CADM2: variants seen among roughly 807,000 people sequenced by gnomAD.
The protein encoded by CADM2 is cell adhesion molecule 2.
A neutral mutation model predicts 49.8 loss-of-function variants in CADM2; 12 were observed. The ratio of observed to expected loss-of-function variants is 0.24; its 90% CI spans 0.15 to 0.39. The LOEUF (loss-of-function observed/expected upper bound fraction) is 0.39, where lower values mean the gene tolerates loss of function less well. CADM2 is among the 10% of genes least tolerant of loss of function. The pLI is 1.00. For synonymous variants in CADM2, 214 were observed against 175.4 expected (o/e 1.22, Z -1.74); for missense variants, 378 against 492.3 (o/e 0.77, Z 2.20).
At chr3:85,371,677 G>GTGTGTGTATATATA (rs1251505613) in intron 1 of CADM2, among the ~76,000 whole-genome samples, 19 of 95,134 alleles carry the variant, frequency 2.0e-4, no homozygotes, top group Admixed American at 3.8e-4. Context: ...GTGTGTGTGT[G>GTGTGTGTATATATA]TATATATATA....
chr3:85,158,623 T>C (rs1405493096), intron 1 of CADM2, among the ~76,000 whole-genome samples: 1 of 152,024 alleles, frequency 6.6e-6, no homozygotes, highest in Admixed American at 6.6e-5. Context: ...TTCTGACTCA[T>C]AGGTGGGAAT....
intron 7 of CADM2, among the ~76,000 whole-genome samples, chr3:85,955,076 A>T (rs1723888158): frequency 6.6e-6 from 1 of 151,402 alleles, no homozygotes; most frequent in Non-Finnish European, 1.5e-5. Context: ...AAAGTTACTG[A>T]CTATATGATT....
chr3:85,249,282 T>A (rs999022359), intron 1 of CADM2, among the ~76,000 whole-genome samples: 5 of 152,104 alleles, frequency 3.3e-5, no homozygotes, highest in Admixed American at 6.6e-5. Context: ...CTAATTTTAG[T>A]TAGCTATGAT....
At chr3:85,523,063 T>A (rs1372177037) in intron 1 of CADM2, among the ~76,000 whole-genome samples, 1 of 151,836 alleles carries the variant, frequency 6.6e-6, no homozygotes, top group African/African-American at 2.4e-5. Context: ...CCCCACACAT[T>A]TGCTAGATTA....
At chr3:85,842,648 C>T (rs967145229) in intron 3 of CADM2, among the ~76,000 whole-genome samples, 2 of 152,050 alleles carry the variant, frequency 1.3e-5, no homozygotes, top group Admixed American at 6.6e-5. Flanking sequence ...TGTCCACACC[C>T]GCTTCCTTCT....
intron 1 of CADM2, among the ~76,000 whole-genome samples, chr3:85,221,906 A>C (rs1388331785): frequency 2.0e-5 from 3 of 152,166 alleles, no homozygotes; most frequent in African/African-American, 7.2e-5. Flanking sequence ...TGCTGTTTGA[A>C]ATGATAAAGA....
intron 5 of CADM2, among the ~76,000 whole-genome samples, chr3:85,893,823 C>T (rs1286887458): frequency 6.6e-6 from 1 of 151,984 alleles, no homozygotes; most frequent in Non-Finnish European, 1.5e-5. Flanking sequence ...GTTAGAATGG[C>T]GATCATTAAA....
intron 1 of CADM2, among the ~76,000 whole-genome samples, chr3:85,446,991 CATATATAT>C (rs141177883): frequency 0.026 from 1,437 of 54,558 alleles, 31 homozygotes; most frequent in African/African-American, 0.059. Flanking sequence ...ATATGTATTG[CATATATAT>C]ATATATATAT....
chr3:85,231,795 C>A (rs1006880133), intron 1 of CADM2, among the ~76,000 whole-genome samples: 2 of 151,202 alleles, frequency 1.3e-5, no homozygotes, highest in African/African-American at 4.9e-5. Flanking sequence ...TCACTGCAAC[C>A]TCTGCCCCCC....
chr3:85,207,050 A>ATG (rs3085116), intron 1 of CADM2, among the ~76,000 whole-genome samples: 42,509 of 144,786 alleles, frequency 0.29, 7,058 homozygotes, highest in Middle Eastern at 0.39. Context: ...GAAGAAATAA[A>ATG]TGTGTGTGTG....
chr3:84,983,990 C>T (rs982987002), intron 1 of CADM2, among the ~76,000 whole-genome samples: 1 of 151,508 alleles, frequency 6.6e-6, no homozygotes, highest in African/African-American at 2.4e-5. Flanking sequence ...TATTTTAAAT[C>T]ACTTTCAGAC....
intron 1 of CADM2, among the ~76,000 whole-genome samples, chr3:85,099,469 A>AT (rs56797775): frequency 0.7 from 101,204 of 144,528 alleles, 35,912 homozygotes; most frequent in African/African-American, 0.8. Context: ...CATGAATTAA[A>AT]TTTTTTTTTT....
intron 8 of CADM2, among the ~76,000 whole-genome samples, chr3:86,017,242 T>C (rs146569125): frequency 1.3e-5 from 2 of 150,878 alleles, no homozygotes; most frequent in East Asian, 1.9e-4. Flanking sequence ...AACATAAGTA[T>C]GGGACAATCT....
intron 1 of CADM2, among the ~76,000 whole-genome samples, chr3:85,020,547 A>G (rs2034452282): frequency 6.6e-6 from 1 of 152,230 alleles, no homozygotes; most frequent in African/African-American, 2.4e-5. Context: ...AAACAGAAAC[A>G]TAGGTAACAT....
rs113677978 is a variant in CADM2 at position 85,117,755 on chromosome 3, A to T, written c.61+158087A>T. Among the ~76,000 whole-genome samples the T allele has an allele frequency of 6.9e-3, 1,048 of 152,320 alleles. 10 individuals carry two copies. The highest frequency in any genetic ancestry group is 0.023 in the African/African-American group (959 of 41,582). ...ACACATGTATTTTGTAAGGAAGTCT[A>T]GAATAAAATTGGAGGTTTTAAATAC... On this transcript the variant is annotated intron_variant, in intron 1 of 9. Transcript: ENST00000383699.
intron 1 of CADM2, among the ~76,000 whole-genome samples, chr3:85,661,685 T>G (rs984900929): frequency 6.6e-5 from 10 of 152,034 alleles, no homozygotes; most frequent in Admixed American, 6.6e-5. Flanking sequence ...AACTACTTCA[T>G]ACTCAAAGTG....
intron 1 of CADM2, among the ~76,000 whole-genome samples, chr3:85,288,793 C>CCCCT (rs941968189): frequency 5.1e-5 from 7 of 136,242 alleles, no homozygotes; most frequent in Non-Finnish European, 8.1e-5. Flanking sequence ...TGCCCCCCCC[C>CCCCT]CCTCTTTTTT....
At chr3:85,129,248 A>T (rs774198380) in intron 1 of CADM2, among the ~76,000 whole-genome samples, 1 of 152,190 alleles carries the variant, frequency 6.6e-6, no homozygotes, top group Non-Finnish European at 1.5e-5. Flanking sequence ...CAGTAAAGCC[A>T]AAGTAAAAGA....
intron 8 of CADM2, among the ~76,000 whole-genome samples, chr3:86,040,484 T>G (rs1195059488): frequency 6.6e-6 from 1 of 152,062 alleles, no homozygotes; most frequent in Non-Finnish European, 1.5e-5. Context: ...AGGGTATCAG[T>G]GACGGAAGAT....
Sources: gnomAD v4.1 joint callset for allele counts (sites outside exome capture counted in the v4.1 genomes callset) on GRCh38, gnomAD v4.1.1 for gene constraint, MANE v1.5 for transcripts, NCBI Gene and HGNC (gene_info 2026-07-23, HGNC 2026-07-21) for gene names.